The following EEA1 variants were observed in gnomAD, a reference collection of about 807,000 sequenced individuals.
EEA1 encodes the protein early endosome antigen 1.
A neutral mutation model predicts 209.2 loss-of-function variants in EEA1; 111 were observed. The ratio of observed to expected loss-of-function variants is 0.53; its 90% confidence interval spans 0.45 to 0.62. EEA1 has a LOEUF of 0.62. EEA1 is among the 20% of genes least tolerant of loss of function. The pLI is 0.00. For synonymous variants in EEA1, 536 were observed against 540.6 expected, an observed-to-expected ratio of 0.99 and a Z score of 0.12; for missense variants, 1,343 against 1,530.8, an observed-to-expected ratio of 0.88 and a Z score of 2.05.
chr12:92,872,954 A>G (rs1878719211), intron 2 of EEA1, among the ~76,000 whole-genome samples: 1 of 151,838 alleles, frequency 6.6e-6, no homozygotes, highest in Non-Finnish European at 1.5e-5. Flanking sequence ...ACTCTGTCTC[A>G]AACAAAAAAA....
At chr12:92,868,063 G>C (rs533107453) in intron 2 of EEA1, among the ~76,000 whole-genome samples, 20 of 152,184 alleles carry the variant, frequency 1.3e-4, no homozygotes, top group South Asian at 2.1e-4. Flanking sequence ...ATGAAGGGCA[G>C]GGGCACAACA....
chr12:92,827,959 GTTC>G lies in EEA1; in HGVS notation c.1354_1356del (p.Glu452del). On this transcript the variant is annotated inframe_deletion, in exon 12 of 29. Transcript: ENST00000322349. ...TTGAGTTGTAAATCAGCCACTTGTTGTTCTTTATCCATCAACTTTTCACTTGAA... is the reference window on the plus strand; with the variant it reads ...TTGAGTTGTAAATCAGCCACTTGTTGTTTATCCATCAACTTTTCACTTGAA... The G allele has an allele frequency of 1.9e-6, 3 of 1,593,928 alleles. No homozygotes were observed. The highest frequency in any genetic ancestry group is 1.7e-6 in the Non-Finnish European group (2 of 1,171,828).
In EEA1 at chr12:92,771,403, G is replaced by A. The variant is rs1485677510; in HGVS notation, c.*4608C>T. On this transcript the variant is annotated 3_prime_UTR_variant, in exon 29 of 29. Transcript: ENST00000322349. ...AAACAAAGCAGTAAAGACAAGTGCA[G>A]CAGAAAGGCTTTTGTACAAGGCAAG... 6.6e-6 allele frequency: 1 copy of A among 152,040 alleles called. No individual in the cohort carries two copies. The allele number at this position is 152,040 out of a possible 1,614,324, so 9.4% of individuals were successfully genotyped here. A position where few individuals can be genotyped will look rare whatever the true frequency, so the allele number is the denominator to read the frequency against.
chr12:92,925,147 T>G (rs549465261), intron 1 of EEA1, among the ~76,000 whole-genome samples: 18 of 147,392 alleles, frequency 1.2e-4, no homozygotes, highest in African/African-American at 4.3e-4. Context: ...CATCATTGTC[T>G]GCACAGCACA....
chr12:92,777,508 A>G (rs758223673), intron 27 of EEA1, 35 bp downstream of exon 27: 4 of 1,570,412 alleles, frequency 2.5e-6, no homozygotes, highest in African/African-American at 1.4e-5. Context: ...CCAATTCTAG[A>G]CTAAAAAACT....
intron 1 of EEA1, among the ~76,000 whole-genome samples, chr12:92,925,722 T>G (rs1420938172): frequency 6.6e-6 from 1 of 152,200 alleles, no homozygotes; most frequent in Non-Finnish European, 1.5e-5. Context: ...GTTTTCCAGC[T>G]TCTTTCAAGC....
chr12:92,903,459 G>C (rs537300787), intron 1 of EEA1, among the ~76,000 whole-genome samples: 1 of 151,602 alleles, frequency 6.6e-6, no homozygotes, highest in Admixed American at 6.6e-5. Context: ...TTAGCCAGGC[G>C]TGGTGGCACG....
intron 1 of EEA1, among the ~76,000 whole-genome samples, chr12:92,916,208 A>G (rs1243940725): frequency 6.6e-6 from 1 of 152,164 alleles, no homozygotes. Flanking sequence ...AACATACCAA[A>G]ATAAGGGTTA....
intron 1 of EEA1, among the ~76,000 whole-genome samples, chr12:92,921,896 AAAAG>A (rs1881025513): frequency 6.6e-6 from 1 of 150,394 alleles, no homozygotes; most frequent in Non-Finnish European, 1.5e-5. Context: ...AGAAAAAAAG[AAAAG>A]AAAGCTATTA....
At chr12:92,928,807 G>A (rs1036320238) in intron 1 of EEA1, among the ~76,000 whole-genome samples, 22 of 151,404 alleles carry the variant, frequency 1.5e-4, no homozygotes, top group African/African-American at 4.8e-4. Flanking sequence ...GCCCCGCGCC[G>A]GAGCGGGCGC....
intron 15 of EEA1, among the ~76,000 whole-genome samples, chr12:92,814,044 A>G (rs551805268): frequency 6.6e-5 from 10 of 152,194 alleles, no homozygotes; most frequent in Non-Finnish European, 1.3e-4. Flanking sequence ...AAAAGCAAAA[A>G]AGAAAATATA....
At chr12:92,818,066 C>G (rs966810519) in intron 14 of EEA1, among the ~76,000 whole-genome samples, 7 of 152,174 alleles carry the variant, frequency 4.6e-5, no homozygotes, top group Non-Finnish European at 1.5e-5. Context: ...AAGTACAAAA[C>G]TTGGCATTGA....
intron 17 of EEA1, 113 bp from the exon 18 acceptor site, chr12:92,809,269 A>T (rs980715719): frequency 5.1e-4 from 357 of 701,752 alleles, no homozygotes; most frequent in Non-Finnish European, 6.7e-4. Context: ...ACAAAAAAAA[A>T]TTTATTATAA....
At chr12:92,817,053 T>A (rs763679749) in intron 14 of EEA1, among the ~76,000 whole-genome samples, 1 of 151,276 alleles carries the variant, frequency 6.6e-6, no homozygotes, top group Non-Finnish European at 1.5e-5. Flanking sequence ...AGTTTTTTCA[T>A]TTGCATCCAT....
At chr12:92,874,655 A>G (rs746905376) in intron 2 of EEA1, among the ~76,000 whole-genome samples, 135 of 152,350 alleles carry the variant, frequency 8.9e-4, no homozygotes, top group Non-Finnish European at 1.4e-3. Context: ...CGTGAGCCAC[A>G]GTGCCCAGCT....
chr12:92,825,255 T>C (rs1005254044), intron 13 of EEA1, among the ~76,000 whole-genome samples: 2 of 151,900 alleles, frequency 1.3e-5, no homozygotes, highest in African/African-American at 4.8e-5. Flanking sequence ...ATCGAGACCA[T>C]CCTGGCTAAC....
At position 92,884,378 on chromosome 12, in the gene EEA1, G is replaced by A. The variant is rs1373779682; in HGVS notation, c.117+7251C>T. The A allele has an allele frequency of 4.0e-5, 49 of 1,232,978 alleles. No individual in the cohort carries two copies. In the African/African-American group the frequency reaches 4.3e-4, roughly 11 times the overall value. 76.4% of individuals were successfully genotyped at this position (1,232,978 alleles called of 1,614,324 possible). On this transcript the variant is annotated intron_variant, in intron 2 of 28. Transcript: ENST00000322349. Reference sequence around the variant, plus strand: ...CTGAAGTGGTTCTAGAAACTTTGGCGGTGGTCGTGGAGGTGGTTTTGGCAG... The same window carrying A: ...CTGAAGTGGTTCTAGAAACTTTGGCAGTGGTCGTGGAGGTGGTTTTGGCAG...
chr12:92,790,928 A>G (rs546928836), intron 21 of EEA1, among the ~76,000 whole-genome samples: 3 of 152,298 alleles, frequency 2.0e-5, no homozygotes, highest in African/African-American at 4.8e-5. Flanking sequence ...AGATCTCTCG[A>G]CAGAAACCCT....
chr12:92,813,583 A>C (rs1875628412), intron 15 of EEA1, among the ~76,000 whole-genome samples: 1 of 152,194 alleles, frequency 6.6e-6, no homozygotes, highest in East Asian at 1.9e-4. Context: ...TTATTTTTGA[A>C]GCTCACAGTC....
Sources: gnomAD v4.1 joint callset for allele counts (sites outside exome capture counted in the v4.1 genomes callset) on GRCh38, gnomAD v4.1.1 for gene constraint, MANE v1.5 for transcripts, NCBI Gene and HGNC (gene_info 2026-07-23, HGNC 2026-07-21) for gene names.